Variants in LIN9 observed in about 807,000 individuals in gnomAD.
LIN9 encodes lin-9 DREAM MuvB core complex component.
In LIN9, 18 loss-of-function variants were observed where a neutral mutation model predicts 78.0. That is an observed-to-expected ratio of 0.23 (90% CI 0.16 to 0.34). The LOEUF (loss-of-function observed/expected upper bound fraction) is 0.34. Ranked by LOEUF, LIN9 falls within the 10% of genes least tolerant of loss-of-function variation. The pLI, the probability that LIN9 is intolerant of heterozygous loss-of-function variation, is 1.00. For missense variants in LIN9, 451 were observed against 644.1 expected, an observed-to-expected ratio of 0.70 and a Z score of 3.25; for synonymous variants, 192 against 215.2, an observed-to-expected ratio of 0.89 and a Z score of 0.94.
chr1:226,303,592 T>G (rs1376554480), intron 1 of LIN9, among the ~76,000 whole-genome samples: 1 of 152,108 alleles, frequency 6.6e-6, no homozygotes, highest in Non-Finnish European at 1.5e-5. Context: ...CTTTTTTTTC[T>G]TTTTCGTTTT....
chr1:226,302,541 C>T (rs1216558217), intron 1 of LIN9, among the ~76,000 whole-genome samples: 1 of 128,124 alleles, frequency 7.8e-6, no homozygotes, highest in African/African-American at 3.0e-5. Context: ...AGTGAGACTC[C>T]ATGTCCAAAA....
At chr1:226,270,212 C>T (rs1660177469) in intron 7 of LIN9, among the ~76,000 whole-genome samples, 1 of 152,150 alleles carries the variant, frequency 6.6e-6, no homozygotes, top group South Asian at 2.1e-4. Context: ...AGGCGTGAGC[C>T]ACCGCACCCA....
At chr1:226,261,103 CAGTA>C (rs1659557726) in intron 10 of LIN9, among the ~76,000 whole-genome samples, 1 of 151,252 alleles carries the variant, frequency 6.6e-6, no homozygotes. Flanking sequence ...TAAAAACTCT[CAGTA>C]AGCTAGGAAT....
intron 11 of LIN9, among the ~76,000 whole-genome samples, chr1:226,239,307 CTTTT>C (rs999444141): frequency 1.3e-5 from 2 of 152,072 alleles, no homozygotes; most frequent in African/African-American, 4.8e-5. Context: ...CTGCCATTTG[CTTTT>C]TTGAAAAGGA....
chr1:226,304,236 G>A (rs1401254194), intron 1 of LIN9, among the ~76,000 whole-genome samples: 2 of 152,176 alleles, frequency 1.3e-5, no homozygotes, highest in Non-Finnish European at 2.9e-5. Context: ...TTGCTCTAAC[G>A]AGGTGTTCAT....
chr1:226,242,652 A>C (rs1219449419), intron 11 of LIN9, among the ~76,000 whole-genome samples: 1 of 152,142 alleles, frequency 6.6e-6, no homozygotes, highest in Non-Finnish European at 1.5e-5. Context: ...TTTTTTTAAA[A>C]TTAATTTTTG....
At chr1:226,236,357 A>C (rs1247633354) in intron 12 of LIN9, among the ~76,000 whole-genome samples, 1 of 151,788 alleles carries the variant, frequency 6.6e-6, no homozygotes, top group African/African-American at 2.4e-5. Flanking sequence ...CCCTCAGGGT[A>C]ATCACCATCC....
Position 226,295,903 on chromosome 1 carries a change from T to A in LIN9, c.203A>T (p.Asp68Val). The change falls in exon 4 of 15, where the codon GAT becomes GTT. Residue 68 changes from aspartate (D) to valine (V), a missense_variant. Physicochemically the swap from Asp to Val is radical, Grantham distance 152 (BLOSUM62 -3). Transcript: ENST00000681046. The stretch of plus-strand genomic sequence containing the variant: ...TGACCTTGTATTTATTTGCCTATCA[T>A]CTTCATCAGAAAAAAGTCGACTTCG... ...SKRSRLFSDE[D>V]DRQINTRSPK... 1 of 1,613,514 alleles carries A rather than the reference T, an allele frequency of 6.2e-7. No individual in the cohort carries two copies. Among genetic ancestry groups the A allele is most frequent in the Non-Finnish European group, 8.5e-7 (1 of 1,179,810 alleles).
intron 12 of LIN9, among the ~76,000 whole-genome samples, chr1:226,236,659 G>C (rs1313555886): frequency 6.6e-6 from 1 of 151,832 alleles, no homozygotes; most frequent in Non-Finnish European, 1.5e-5. Context: ...GGTTTTCACC[G>C]TGTTAGCCAG....
intron 6 of LIN9, among the ~76,000 whole-genome samples, chr1:226,283,764 A>T (rs1342319139): frequency 6.6e-6 from 1 of 152,120 alleles, no homozygotes; most frequent in Non-Finnish European, 1.5e-5. Context: ...TCTGACCAAC[A>T]TGGTGAAACC....
chr1:226,244,292 C>T (rs911355272), intron 11 of LIN9, among the ~76,000 whole-genome samples: 16 of 151,664 alleles, frequency 1.1e-4, no homozygotes, highest in Non-Finnish European at 2.1e-4. Context: ...ATTAGCCGGG[C>T]GCGGTGGCGC....
intron 10 of LIN9, among the ~76,000 whole-genome samples, chr1:226,258,894 C>CAAAAAAAAAAAAAA (rs770169450): frequency 3.7e-5 from 2 of 54,776 alleles, no homozygotes; most frequent in African/African-American, 7.8e-5. Flanking sequence ...TCTGTCTCAA[C>CAAAAAAAAAAAAAA]AAAAAAAAAA....
At position 226,304,483 on chromosome 1, in the gene LIN9, C is replaced by CAT. The variant is rs559791815; in HGVS notation, c.32-3280_32-3279dup. The stretch of plus-strand genomic sequence containing the variant: ...AAGCTTAAACTCTAGTGGAAAGAGA[C>CAT]ATATATATATAAAACACGTACATAA... On this transcript the variant is annotated intron_variant, in intron 1 of 14. Transcript: ENST00000681046. Among the ~76,000 whole-genome samples the CAT allele has an allele frequency of 3.9e-3, 588 of 152,198 alleles. 3 individuals carry two copies. The highest frequency in any genetic ancestry group is 0.01 in the African/African-American group (416 of 41,520).
At chr1:226,260,628 G>GTTTTTTTTTTTT (rs559460640) in intron 10 of LIN9, among the ~76,000 whole-genome samples, 5 of 73,438 alleles carry the variant, frequency 6.8e-5, no homozygotes, top group African/African-American at 2.5e-4. Context: ...GGCCAAATGA[G>GTTTTTTTTTTTT]TTTTTTTTTT....
At chr1:226,303,190 A>T in intron 1 of LIN9, among the ~76,000 whole-genome samples, 1 of 152,230 alleles carries the variant, frequency 6.6e-6, no homozygotes, top group East Asian at 1.9e-4. Flanking sequence ...GCATTTGAGA[A>T]AAAGTAGTAA....
At chr1:226,309,659 G>T (rs1219868139), upstream of LIN9, 12 of 1,282,526 alleles carry the variant, frequency 9.4e-6, no homozygotes, top group Admixed American at 9.4e-5. Flanking sequence ...GGGCGCCTCC[G>T]TCCCCTCACT....
At chr1:226,288,140 T>A (rs1451961771) in intron 4 of LIN9, among the ~76,000 whole-genome samples, 2 of 152,152 alleles carry the variant, frequency 1.3e-5, no homozygotes, top group East Asian at 3.8e-4. Context: ...CCCAGCTAAT[T>A]TTTGTATTTT....
chr1:226,258,693 G>A (rs2102888720), intron 10 of LIN9, among the ~76,000 whole-genome samples: 1 of 150,940 alleles, frequency 6.6e-6, no homozygotes, highest in South Asian at 2.1e-4. Context: ...GATCGAGACT[G>A]TCCTGGCTAA....
intron 8 of LIN9, 147 bp from the exon 9 acceptor site, chr1:226,266,479 G>C (rs1439032843): frequency 1.1e-5 from 5 of 451,614 alleles, no homozygotes; most frequent in Non-Finnish European, 1.8e-5. Flanking sequence ...ATTATTTATA[G>C]AGTAGCATAT....
Sources: gnomAD v4.1 joint callset for allele counts (sites outside exome capture counted in the v4.1 genomes callset) on GRCh38, gnomAD v4.1.1 for gene constraint, MANE v1.5 for transcripts, NCBI Gene and HGNC (gene_info 2026-07-23, HGNC 2026-07-21) for gene names.